The following SPRED1 variants were observed in gnomAD, a reference collection of about 807,000 sequenced individuals.
SPRED1 encodes sprouty-related, EVH1 domain-containing protein 1.
In SPRED1, 18 loss-of-function variants were observed where a neutral mutation model predicts 52.3. The ratio of observed to expected loss-of-function variants is 0.34; its 90% CI spans 0.24 to 0.51. The LOEUF is 0.51. Ranked by LOEUF, SPRED1 falls within the 20% of genes least tolerant of loss-of-function variation. The probability of loss-of-function intolerance (pLI) is 0.97; values close to 1 mark genes in which losing one functional copy is unlikely to be tolerated. For synonymous variants in SPRED1, 155 were observed against 179.7 expected (o/e 0.86, Z 1.10); for missense variants, 485 against 551.0 (o/e 0.88, Z 1.20).
intron 5 of SPRED1, among the ~76,000 whole-genome samples, chr15:38,342,032 T>TTG (rs1896041319): frequency 6.7e-6 from 1 of 148,930 alleles, no homozygotes; most frequent in East Asian, 1.9e-4. Context: ...GTTTGGGTTT[T>TTG]TTTTTTTTTT....
intron 4 of SPRED1, among the ~76,000 whole-genome samples, chr15:38,334,324 G>C (rs975182557): frequency 1.3e-5 from 2 of 152,006 alleles, no homozygotes; most frequent in Non-Finnish European, 2.9e-5. Context: ...TGGTAGAGGT[G>C]GGGGGTGCTA....
At chr15:38,308,645 T>C (rs1332769802) in intron 2 of SPRED1, among the ~76,000 whole-genome samples, 1 of 152,186 alleles carries the variant, frequency 6.6e-6, no homozygotes, top group East Asian at 1.9e-4. Context: ...TCTCCGAGGG[T>C]TGATCCAGGT....
intron 5 of SPRED1, 104 bp from the exon 6 acceptor site, chr15:38,349,318 A>G (rs1221566553): frequency 1.2e-5 from 10 of 868,544 alleles, no homozygotes; most frequent in Non-Finnish European, 1.8e-5. Context: ...CGTTTTTGAA[A>G]AACTTTACTG....
chr15:38,279,981 A>G (rs1434211702), intron 1 of SPRED1, among the ~76,000 whole-genome samples: 2 of 152,160 alleles, frequency 1.3e-5, no homozygotes, highest in East Asian at 3.9e-4. Context: ...TGATAAAATA[A>G]CTTGCTGGAA....
chr15:38,293,351 G>T (rs560845203), intron 1 of SPRED1, among the ~76,000 whole-genome samples: 1 of 152,016 alleles, frequency 6.6e-6, no homozygotes, highest in African/African-American at 2.4e-5. Context: ...ACCTGCCTCG[G>T]CCTCCCAAAG....
intron 4 of SPRED1, among the ~76,000 whole-genome samples, chr15:38,335,424 G>A (rs1489584945): frequency 1.3e-5 from 2 of 152,062 alleles, no homozygotes; most frequent in Admixed American, 6.6e-5. Context: ...CACTAAGACA[G>A]TGAATAGTAG....
At chr15:38,309,319 T>G (rs1895315138) in intron 2 of SPRED1, among the ~76,000 whole-genome samples, 1 of 152,182 alleles carries the variant, frequency 6.6e-6, no homozygotes, top group Non-Finnish European at 1.5e-5. Flanking sequence ...TTTTGTATTT[T>G]TACTAGAGAT....
intron 1 of SPRED1, among the ~76,000 whole-genome samples, chr15:38,285,207 A>G (rs1394157872): frequency 6.6e-6 from 1 of 152,198 alleles, no homozygotes; most frequent in African/African-American, 2.4e-5. Flanking sequence ...TATTCAGCAG[A>G]TATTTTCAGT....
intron 1 of SPRED1, among the ~76,000 whole-genome samples, chr15:38,271,606 G>T (rs1215349117): frequency 6.6e-6 from 1 of 152,076 alleles, no homozygotes; most frequent in African/African-American, 2.4e-5. Flanking sequence ...TCTTTCCATC[G>T]TGCAGTTCTC....
At chr15:38,324,642 C>A in intron 3 of SPRED1, 121 bp from the exon 4 acceptor site, 1 of 747,512 alleles carries the variant, frequency 1.3e-6, no homozygotes, top group Non-Finnish European at 2.2e-6. Context: ...AATTGCCAGG[C>A]AGTCCAGAAA....
In SPRED1 at chr15:38,336,444, A is replaced by G. The variant is rs1287947204; in HGVS notation, c.424-3293A>G. Reference sequence around the variant, plus strand: ...TGTGTATATATATATATAATATTATATATATGTTATATATATAATATTTTA... The same window carrying G: ...TGTGTATATATATATATAATATTATGTATATGTTATATATATAATATTTTA... On this transcript the variant is annotated intron_variant, in intron 4 of 6. Transcript: ENST00000299084. Among the ~76,000 whole-genome samples, 11 of 137,864 alleles carry G rather than the reference A, an allele frequency of 8.0e-5. 1 individual carries two copies. Among genetic ancestry groups the G allele is most frequent in the African/African-American group, 2.8e-4 (11 of 39,242 alleles). The allele number at this position is 137,864 out of a possible 152,430, so 90.4% of individuals were successfully genotyped here.
intron 2 of SPRED1, among the ~76,000 whole-genome samples, chr15:38,313,154 G>A (rs1895403809): frequency 6.6e-6 from 1 of 151,846 alleles, no homozygotes; most frequent in South Asian, 2.1e-4. Flanking sequence ...AAATTATAGT[G>A]TATTTATCAT....
chr15:38,265,254 G>C (rs1056029729), intron 1 of SPRED1, among the ~76,000 whole-genome samples: 3 of 151,932 alleles, frequency 2.0e-5, no homozygotes, highest in Non-Finnish European at 2.9e-5. Flanking sequence ...TACTTCAGAG[G>C]GATACAACCT....
intron 1 of SPRED1, among the ~76,000 whole-genome samples, chr15:38,258,433 T>C (rs993389355): frequency 3.9e-5 from 6 of 152,192 alleles, no homozygotes; most frequent in Admixed American, 1.3e-4. Flanking sequence ...CAGTCTCCTA[T>C]TGTTGGATAT....
intron 4 of SPRED1, among the ~76,000 whole-genome samples, chr15:38,329,626 A>C (rs564699221): frequency 9.5e-4 from 145 of 152,224 alleles, no homozygotes; most frequent in African/African-American, 3.2e-3. Flanking sequence ...TCTCTGTATA[A>C]CTTTTTGCAT....
rs1895992409 is a variant in SPRED1 at position 38,339,744 on chromosome 15, A to G, written c.431A>G (p.Glu144Gly). The G allele has an allele frequency of 1.2e-6, 2 of 1,613,792 alleles. No individual in the cohort carries two copies. Among genetic ancestry groups the G allele is most frequent in the African/African-American group, 2.7e-5 (2 of 75,016 alleles). Residue 144 changes from glutamate (E) to glycine (G), a missense_variant, in exon 5 of 7, where the codon GAA (glutamate) becomes GGA (glycine). Physicochemically the swap from Glu to Gly is moderately conservative, Grantham distance 98 (BLOSUM62 -2). This residue lies in a region of SPRED1 where 232 missense variants were observed against 231.8 expected (regional missense o/e 1.00). Transcript: ENST00000299084. ...GAGGGTTGTTCCCAATAGGCAAATGAAGAGGATTCTTCCAGTTCTCTAGTG... is the reference window on the plus strand; with the variant it reads ...GAGGGTTGTTCCCAATAGGCAAATGGAGAGGATTCTTCCAGTTCTCTAGTG... ...AEGADDLQAN[E>G]EDSSSSLVKD... is the part of the protein sequence containing the mutation.
At chr15:38,314,493 C>T (rs1895432333) in intron 2 of SPRED1, among the ~76,000 whole-genome samples, 1 of 151,794 alleles carries the variant, frequency 6.6e-6, no homozygotes, top group African/African-American at 2.4e-5. Flanking sequence ...TTTTTCATAT[C>T]CTTGTAGTCA....
rs66511254 is a variant in SPRED1, at chr15:38,293,099, C to CTTTTTTTTTTTTTTTTTTTTTTTTT, written c.33-6255_33-6254insTTTTTTTTTTTTTTTTTTTTTTTTT. ...TTAAGTAATTTACCCAAGATTACAA[C>CTTTTTTTTTTTTTTTTTTTTTTTTT]TTTTTTTTTTTTTTTTTTTGAGACG... is the stretch of plus-strand genomic sequence containing the variant. On this transcript the variant is annotated intron_variant, in intron 1 of 6. Transcript: ENST00000299084. Among the ~76,000 whole-genome samples the CTTTTTTTTTTTTTTTTTTTTTTTTT allele has an allele frequency of 2.2e-5, 2 of 90,734 alleles. 1 individual carries two copies. The highest frequency in any genetic ancestry group is 9.0e-4 in the South Asian group (2 of 2,228). The allele number at this position is 90,734 out of a possible 152,430, so 59.5% of individuals were successfully genotyped here. A position where few individuals can be genotyped will look rare whatever the true frequency, so the allele number is the denominator to read the frequency against.
chr15:38,286,770 G>A (rs1894819310), intron 1 of SPRED1, among the ~76,000 whole-genome samples: 1 of 152,014 alleles, frequency 6.6e-6, no homozygotes, highest in African/African-American at 2.4e-5. Flanking sequence ...CATCATCCAA[G>A]TAAGTGAAGT....
Sources: allele counts gnomAD v4.1 joint callset (sites outside exome capture counted in the v4.1 genomes callset), GRCh38; gene constraint gnomAD v4.1.1; regional missense constraint gnomAD v4.1.1; transcripts MANE v1.5; gene names NCBI Gene and HGNC (gene_info 2026-07-23, HGNC 2026-07-21).